Variants in FBXL17 observed in about 807,000 individuals in gnomAD.
The protein encoded by FBXL17 is F-box and leucine rich repeat protein 17, also known as F-box/LRR-repeat protein 17.
In FBXL17, 22 loss-of-function variants were observed where a neutral mutation model predicts 66.2. The ratio of observed to expected loss-of-function variants is 0.33; its 90% CI spans 0.24 to 0.47. FBXL17 has a LOEUF of 0.47. Ranked by LOEUF, FBXL17 falls within the 20% of genes least tolerant of loss-of-function variation. FBXL17 has a pLI of 1.00. For missense variants in FBXL17, 878 were observed against 948.2 expected (o/e 0.93, Z 0.97); for synonymous variants, 474 against 400.5 (o/e 1.18, Z -2.19).
chr5:108,012,660 C>T (rs1335351479), intron 7 of FBXL17, among the ~76,000 whole-genome samples: 1 of 152,176 alleles, frequency 6.6e-6, no homozygotes, highest in Non-Finnish European at 1.5e-5. Flanking sequence ...GTGTTACGCA[C>T]AAATTATGTA....
At chr5:107,975,865 T>G (rs531642339) in intron 7 of FBXL17, among the ~76,000 whole-genome samples, 384 of 150,570 alleles carry the variant, frequency 2.6e-3, no homozygotes, top group African/African-American at 7.7e-3. Flanking sequence ...TTGTTTTTTT[T>G]TTTTTTTTTT....
chr5:108,134,612 T>C (rs1038372967), intron 6 of FBXL17, among the ~76,000 whole-genome samples: 1 of 152,278 alleles, frequency 6.6e-6, no homozygotes, highest in East Asian at 1.9e-4. Context: ...AGAAAAACAG[T>C]TGTATCAGGA....
intron 6 of FBXL17, among the ~76,000 whole-genome samples, chr5:108,076,108 A>G (rs749161208): frequency 6.6e-6 from 1 of 152,226 alleles, no homozygotes; most frequent in African/African-American, 2.4e-5. Context: ...ACAGGTTTAT[A>G]CTATCTCTGC....
At chr5:108,289,288 T>C (rs991694332) in intron 4 of FBXL17, among the ~76,000 whole-genome samples, 3 of 152,186 alleles carry the variant, frequency 2.0e-5, no homozygotes, top group African/African-American at 7.2e-5. Context: ...AATATGTAAA[T>C]TTAATTCAAA....
At chr5:108,019,893 C>T (rs528734896) in intron 7 of FBXL17, among the ~76,000 whole-genome samples, 2 of 151,662 alleles carry the variant, frequency 1.3e-5, no homozygotes, top group Admixed American at 1.3e-4. Flanking sequence ...AAGACATATT[C>T]TCCAAGATAA....
At chr5:108,194,351 G>C (rs543705670) in intron 5 of FBXL17, among the ~76,000 whole-genome samples, 1 of 151,740 alleles carries the variant, frequency 6.6e-6, no homozygotes, top group Non-Finnish European at 1.5e-5. Flanking sequence ...TCTCCACAAA[G>C]TCTTTTTGAT....
intron 6 of FBXL17, among the ~76,000 whole-genome samples, chr5:108,122,624 GA>G (rs942467935): frequency 3.3e-4 from 50 of 152,210 alleles, no homozygotes; most frequent in African/African-American, 1.2e-3. Flanking sequence ...CAACATTACA[GA>G]AATGTAAAAC....
intron 4 of FBXL17, among the ~76,000 whole-genome samples, chr5:108,322,569 A>T (rs569044021): frequency 2.8e-4 from 42 of 152,070 alleles, no homozygotes; most frequent in African/African-American, 8.4e-4. Context: ...AGTGGAGAAG[A>T]TGGTGATTGA....
rs139669881 is a variant in FBXL17 at position 107,974,113 on chromosome 5, C to T, written c.1822+46812G>A. Among the ~76,000 whole-genome samples, 300 of 152,126 alleles carry T rather than the reference C, an allele frequency of 2.0e-3. 2 individuals are homozygous for T. The highest frequency in any genetic ancestry group is 6.9e-3 in the African/African-American group (288 of 41,512). On this transcript the variant is annotated intron_variant, in intron 7 of 8. Coordinates refer to ENST00000542267, the MANE Select transcript of FBXL17 (RefSeq NM_001163315.3). ...AAGGGTGATCTTTACTACACTGTTT[C>T]TTGTCACTGTGGAACTTTTAAAAGA...
intron 6 of FBXL17, among the ~76,000 whole-genome samples, chr5:108,029,326 AAGG>A (rs1754944967): frequency 6.6e-6 from 1 of 152,118 alleles, no homozygotes; most frequent in Non-Finnish European, 1.5e-5. Context: ...AGAAATAAGA[AAGG>A]AGAAGAATCA....
At chr5:108,180,643 C>G (rs1752964585) in intron 6 of FBXL17, among the ~76,000 whole-genome samples, 1 of 151,926 alleles carries the variant, frequency 6.6e-6, no homozygotes, top group Non-Finnish European at 1.5e-5. Context: ...TAAAATTCTC[C>G]AAATTTTAGA....
At chr5:107,967,569 A>G (rs1752200378) in intron 7 of FBXL17, among the ~76,000 whole-genome samples, 1 of 151,440 alleles carries the variant, frequency 6.6e-6, no homozygotes, top group Non-Finnish European at 1.5e-5. Context: ...ATTAGGAGAT[A>G]TACCTAATGT....
chr5:108,146,171 G>A (rs1240384149), intron 6 of FBXL17, among the ~76,000 whole-genome samples: 1 of 151,690 alleles, frequency 6.6e-6, no homozygotes, highest in South Asian at 2.1e-4. Flanking sequence ...GGCAGAGCTT[G>A]CAGTGAGCCG....
intron 5 of FBXL17, among the ~76,000 whole-genome samples, chr5:108,223,817 C>A (rs2150075779): frequency 1.6e-5 from 1 of 63,242 alleles, no homozygotes; most frequent in Middle Eastern, 6.6e-3. Flanking sequence ...ACTTAAAATT[C>A]AACCAAATAT....
At chr5:107,953,779 T>G (rs1751575716) in intron 7 of FBXL17, among the ~76,000 whole-genome samples, 1 of 152,204 alleles carries the variant, frequency 6.6e-6, no homozygotes, top group Non-Finnish European at 1.5e-5. Flanking sequence ...AAGTCTTTGG[T>G]ATAGCGAGTA....
intron 6 of FBXL17, among the ~76,000 whole-genome samples, chr5:108,126,410 G>A (rs1750698191): frequency 1.3e-5 from 2 of 151,884 alleles, no homozygotes; most frequent in Non-Finnish European, 2.9e-5. Flanking sequence ...AAAATCACCT[G>A]TGAAAGTAAT....
intron 6 of FBXL17, among the ~76,000 whole-genome samples, chr5:108,025,715 ACACG>A (rs1157809775): frequency 8.4e-6 from 1 of 119,448 alleles, no homozygotes; most frequent in Non-Finnish European, 1.7e-5. Context: ...ACACACACAC[ACACG>A]CGCGCGCGCA....
intron 4 of FBXL17, among the ~76,000 whole-genome samples, chr5:108,303,080 A>G (rs2150182317): frequency 6.6e-6 from 1 of 151,878 alleles, no homozygotes. Flanking sequence ...ACATTACAAA[A>G]TGCTTAACTT....
intron 6 of FBXL17, among the ~76,000 whole-genome samples, chr5:108,052,685 T>C (rs1237197904): frequency 6.6e-6 from 1 of 152,154 alleles, no homozygotes; most frequent in Non-Finnish European, 1.5e-5. Flanking sequence ...TTCACAGAAT[T>C]AGAAAAACTA....
Sources: allele counts gnomAD v4.1 joint callset (sites outside exome capture counted in the v4.1 genomes callset), GRCh38; gene constraint gnomAD v4.1.1; transcripts MANE v1.5; gene names NCBI Gene and HGNC (gene_info 2026-07-23, HGNC 2026-07-21).